Variants in MPP7 observed in about 807,000 individuals in gnomAD.
MPP7 encodes MAGUK p55 subfamily member 7.
In MPP7, 60 loss-of-function variants were observed where a neutral mutation model predicts 76.5. The observed-to-expected ratio is 0.78, with a 90% CI of 0.64 to 0.97. The LOEUF (loss-of-function observed/expected upper bound fraction) is 0.97, where lower values mean the gene tolerates loss of function less well. Among genes scored for constraint, MPP7 ranks in the 50% least tolerant of loss-of-function variants. The pLI is 0.00. For synonymous variants in MPP7, 237 were observed against 244.5 expected (o/e 0.97, Z 0.29); for missense variants, 641 against 694.0 (o/e 0.92, Z 0.86).
At chr10:28,329,152 T>C (rs545862846) in intron 2 of MPP7, among the ~76,000 whole-genome samples, 2 of 152,336 alleles carry the variant, frequency 1.3e-5, no homozygotes, top group South Asian at 2.1e-4. Flanking sequence ...TTAATTTAGA[T>C]AGTATCAATA....
intron 1 of MPP7, among the ~76,000 whole-genome samples, chr10:28,248,602 AGTCT>A: frequency 6.6e-6 from 1 of 152,236 alleles, no homozygotes; most frequent in Non-Finnish European, 1.5e-5. Flanking sequence ...TCTTGTCTAG[AGTCT>A]GTCTTTTACT....
chr10:28,094,531 T>C (rs1397894047), intron 11 of MPP7, among the ~76,000 whole-genome samples: 1 of 152,106 alleles, frequency 6.6e-6, no homozygotes, highest in African/African-American at 2.4e-5. Flanking sequence ...GCTTTACATG[T>C]TAGCTACAGA....
chr10:28,160,092 A>T (rs1165904635), intron 3 of MPP7, among the ~76,000 whole-genome samples: 1 of 143,262 alleles, frequency 7.0e-6, no homozygotes, highest in Non-Finnish European at 1.5e-5. Flanking sequence ...TTTTTTAATG[A>T]CAGGCAAACT....
intron 3 of MPP7, among the ~76,000 whole-genome samples, chr10:28,171,075 A>T (rs1159841436): frequency 6.6e-6 from 1 of 152,206 alleles, no homozygotes; most frequent in East Asian, 1.9e-4. Context: ...GTCACACTAC[A>T]TCCAAAAACA....
At chr10:28,141,374 T>C (rs1835512868) in intron 5 of MPP7, among the ~76,000 whole-genome samples, 1 of 152,062 alleles carries the variant, frequency 6.6e-6, no homozygotes, top group Non-Finnish European at 1.5e-5. Flanking sequence ...GCAAGTCATA[T>C]CAAGGCAATA....
intron 12 of MPP7, among the ~76,000 whole-genome samples, chr10:28,077,223 T>A (rs979757922): frequency 6.6e-6 from 1 of 152,128 alleles, no homozygotes; most frequent in Non-Finnish European, 1.5e-5. Context: ...ATGCTAACTT[T>A]ATAATCTAAC....
intron 3 of MPP7, among the ~76,000 whole-genome samples, chr10:28,164,058 G>A (rs1036629197): frequency 1.7e-4 from 26 of 152,202 alleles, no homozygotes; most frequent in African/African-American, 5.6e-4. Context: ...AGACACCCAC[G>A]TGGAGAAGTG....
intron 1 of MPP7, among the ~76,000 whole-genome samples, chr10:28,259,457 G>A (rs932075155): frequency 6.6e-6 from 1 of 152,074 alleles, no homozygotes; most frequent in Non-Finnish European, 1.5e-5. Context: ...GTGCACGCCT[G>A]TAGTCCCAGC....
intron 3 of MPP7, among the ~76,000 whole-genome samples, chr10:28,191,322 AT>A (rs1399397679): frequency 6.6e-6 from 1 of 152,180 alleles, no homozygotes; most frequent in Non-Finnish European, 1.5e-5. Flanking sequence ...TCAAAACCAG[AT>A]AAAGACATGA....
chr10:28,126,196 C>T lies in MPP7; in HGVS notation c.448-1105G>A, dbSNP rs79753608. Among the ~76,000 whole-genome samples, 1,462 of 152,284 alleles carry T rather than the reference C, an allele frequency of 9.6e-3. 28 individuals carry two copies. Among genetic ancestry groups the T allele is most frequent in the East Asian group, 0.072 (373 of 5,182 alleles). On this transcript the variant is annotated intron_variant, in intron 6 of 16. Coordinates refer to ENST00000683449, the MANE Select transcript of MPP7 (RefSeq NM_001318170.2). ...GGCATTTTACGGCATTTTTCATCAC[C>T]TGTGCATGTATTCAAGGCCAGAGAC...
intron 2 of MPP7, among the ~76,000 whole-genome samples, chr10:28,326,276 AAATC>A (rs1473712187): frequency 7.3e-4 from 111 of 152,338 alleles, no homozygotes; most frequent in African/African-American, 2.6e-3. Context: ...GACCTTTAGG[AAATC>A]AATCAGTGTG....
chr10:28,057,246 G>A (rs907946427), intron 15 of MPP7, among the ~76,000 whole-genome samples: 2 of 152,204 alleles, frequency 1.3e-5, no homozygotes, highest in African/African-American at 4.8e-5. Flanking sequence ...CACTGTTGGT[G>A]CCTGATATGG....
chr10:28,255,746 T>C (rs1410156238), intron 1 of MPP7, among the ~76,000 whole-genome samples: 2 of 152,206 alleles, frequency 1.3e-5, no homozygotes, highest in Non-Finnish European at 2.9e-5. Flanking sequence ...TGAAATATAG[T>C]TTCCTAGTCA....
chr10:28,231,481 T>G (rs1838880652), intron 2 of MPP7, among the ~76,000 whole-genome samples: 1 of 150,806 alleles, frequency 6.6e-6, no homozygotes, highest in Non-Finnish European at 1.5e-5. Context: ...ACTAATAGAA[T>G]TGACAAAACT....
At chr10:28,211,458 T>G (rs113263669) in intron 2 of MPP7, among the ~76,000 whole-genome samples, 4,301 of 134,822 alleles carry the variant, frequency 0.032, 123 homozygotes, top group African/African-American at 0.086. Flanking sequence ...TATATATATA[T>G]ATATAGAGAG....
At chr10:28,073,734 C>A (rs1188005122) in intron 12 of MPP7, among the ~76,000 whole-genome samples, 1 of 151,902 alleles carries the variant, frequency 6.6e-6, no homozygotes, top group Non-Finnish European at 1.5e-5. Context: ...TGCATCACTG[C>A]ACTCCAGCCT....
At chr10:28,066,310 C>T (rs529479223) in intron 13 of MPP7, among the ~76,000 whole-genome samples, 3 of 152,194 alleles carry the variant, frequency 2.0e-5, no homozygotes, top group South Asian at 2.1e-4. Flanking sequence ...AATATTATTA[C>T]ATGGATAATT....
chr10:28,272,237 T>C (rs555728461), intron 1 of MPP7, among the ~76,000 whole-genome samples: 1 of 152,272 alleles, frequency 6.6e-6, no homozygotes, highest in Admixed American at 6.5e-5. Flanking sequence ...ATTCGTGACT[T>C]AGATCAAAGT....
rs1564608908 is a variant in MPP7 at position 28,057,602 on chromosome 10, C to CT, written c.1407+892_1407+893insA. 4.2e-5 allele frequency: 13 copies of CT among 311,532 alleles called. No individual in the cohort carries two copies. The African/African-American group carries it at 4.4e-4, about 11-fold the overall frequency. The allele number at this position is 311,532 out of a possible 1,614,324, so 19.3% of individuals were successfully genotyped here. A position where few individuals can be genotyped will look rare whatever the true frequency, so the allele number is the denominator to read the frequency against. ...TCTGCAGAGCAGTGAGCCAATTAAA[C>CT]CTCTTTTTTTTTTTTTTTTTTTTTT... On this transcript the variant is annotated intron_variant, in intron 15 of 16. Transcript: ENST00000683449.
Sources: gnomAD v4.1 joint callset for allele counts (sites outside exome capture counted in the v4.1 genomes callset) on GRCh38, gnomAD v4.1.1 for gene constraint, MANE v1.5 for transcripts, NCBI Gene and HGNC (gene_info 2026-07-23, HGNC 2026-07-21) for gene names.